Variants in ADGRL3 observed in about 807,000 individuals in gnomAD.
The protein encoded by ADGRL3 is calcium-independent alpha-latrotoxin receptor 3.
In ADGRL3, 62 loss-of-function variants were observed where a neutral mutation model predicts 153.5. That is an observed-to-expected ratio of 0.40 (90% CI 0.33 to 0.50). ADGRL3 has a LOEUF of 0.50. ADGRL3 is among the 20% of genes least tolerant of loss of function. ADGRL3 has a pLI of 0.47. For missense variants in ADGRL3, 1,641 were observed against 1,859.4 expected (o/e 0.88, Z 2.16); for synonymous variants, 710 against 672.5 (o/e 1.06, Z -0.86).
At chr4:61,724,957 T>C (rs1486869479) in intron 6 of ADGRL3, among the ~76,000 whole-genome samples, 2 of 152,162 alleles carry the variant, frequency 1.3e-5, no homozygotes, top group Non-Finnish European at 2.9e-5. Context: ...TTTTTTTTCC[T>C]GTATTTTATC....
chr4:62,052,968 T>A (rs2151778589), intron 25 of ADGRL3, among the ~76,000 whole-genome samples: 1 of 151,570 alleles, frequency 6.6e-6, no homozygotes, highest in Middle Eastern at 3.4e-3. Context: ...TAACAAAAAC[T>A]ATGATATGTT....
At chr4:61,596,750 T>C (rs1046868156) in intron 5 of ADGRL3, among the ~76,000 whole-genome samples, 1 of 152,036 alleles carries the variant, frequency 6.6e-6, no homozygotes, top group Non-Finnish European at 1.5e-5. Context: ...CACAGCTACT[T>C]GGGAGGGTAA....
At chr4:61,718,465 T>C (rs917467331) in intron 6 of ADGRL3, among the ~76,000 whole-genome samples, 1 of 152,198 alleles carries the variant, frequency 6.6e-6, no homozygotes, top group Non-Finnish European at 1.5e-5. Flanking sequence ...CATTACATAG[T>C]TGTTCCTGAA....
intron 4 of ADGRL3, among the ~76,000 whole-genome samples, chr4:61,579,127 T>C (rs2098910872): frequency 1.3e-5 from 2 of 152,032 alleles, no homozygotes; most frequent in South Asian, 4.1e-4. Context: ...ATAGGACCAC[T>C]CCTAGACCTG....
At chr4:61,219,020 T>C (rs1435760428) in intron 1 of ADGRL3, among the ~76,000 whole-genome samples, 1 of 152,182 alleles carries the variant, frequency 6.6e-6, no homozygotes, top group Non-Finnish European at 1.5e-5. Context: ...AGGGGGGCTG[T>C]GGAGAGACCA....
At chr4:61,406,429 GCTA>G (rs920126488) in intron 2 of ADGRL3, among the ~76,000 whole-genome samples, 130 of 151,738 alleles carry the variant, frequency 8.6e-4, no homozygotes, top group African/African-American at 2.9e-3. Context: ...TTTTATAGAT[GCTA>G]TATATTATTA....
chr4:61,543,075 T>C (rs986228405), intron 4 of ADGRL3, among the ~76,000 whole-genome samples: 1 of 152,158 alleles, frequency 6.6e-6, no homozygotes, highest in African/African-American at 2.4e-5. Context: ...TCCCAACTTG[T>C]TCAGTATTTG....
intron 5 of ADGRL3, among the ~76,000 whole-genome samples, chr4:61,593,501 G>C (rs1167399206): frequency 6.6e-6 from 1 of 151,800 alleles, no homozygotes; most frequent in Non-Finnish European, 1.5e-5. Flanking sequence ...CTCACCTTTT[G>C]CTTGTCTGGG....
chr4:61,712,627 G>C (rs979795321), intron 6 of ADGRL3, among the ~76,000 whole-genome samples: 1 of 152,110 alleles, frequency 6.6e-6, no homozygotes, highest in Non-Finnish European at 1.5e-5. Context: ...TAATTGAATG[G>C]AATTTTAAAA....
intron 4 of ADGRL3, among the ~76,000 whole-genome samples, chr4:61,574,069 GTCAC>G (rs2098850881): frequency 6.6e-6 from 1 of 151,934 alleles, no homozygotes; most frequent in Non-Finnish European, 1.5e-5. Context: ...AAAGGCCTTT[GTCAC>G]TCAACCTGTT....
chr4:61,832,078 T>C (rs2097877947), intron 9 of ADGRL3, among the ~76,000 whole-genome samples: 1 of 151,966 alleles, frequency 6.6e-6, no homozygotes, highest in Non-Finnish European at 1.5e-5. Context: ...CCTCTAATGT[T>C]CACTGAACAT....
At chr4:61,673,452 T>C (rs932082190) in intron 5 of ADGRL3, among the ~76,000 whole-genome samples, 1 of 151,754 alleles carries the variant, frequency 6.6e-6, no homozygotes, top group Non-Finnish European at 1.5e-5. Flanking sequence ...ACTTTAAAAA[T>C]AAACAATGAA....
chr4:61,844,575 A>AAAAAAAATATATATATATATAT (rs1554045137), intron 9 of ADGRL3, among the ~76,000 whole-genome samples: 1 of 18,108 alleles, frequency 5.5e-5, no homozygotes, highest in Non-Finnish European at 8.4e-5. Context: ...AAAAAAAAAA[A>AAAAAAAATATATATATATATAT]ATATATATAT....
chr4:61,447,084 A>T (rs1170414994), intron 2 of ADGRL3, among the ~76,000 whole-genome samples: 1 of 152,168 alleles, frequency 6.6e-6, no homozygotes, highest in Non-Finnish European at 1.5e-5. Flanking sequence ...GGATGACTGG[A>T]TGCTGGATGC....
intron 5 of ADGRL3, among the ~76,000 whole-genome samples, chr4:61,595,600 G>C (rs575315131): frequency 6.6e-6 from 1 of 152,112 alleles, no homozygotes; most frequent in Non-Finnish European, 1.5e-5. Flanking sequence ...AGTAACTTTT[G>C]TTGCTACAAG....
intron 9 of ADGRL3, among the ~76,000 whole-genome samples, chr4:61,817,185 C>T (rs1399801475): frequency 6.8e-6 from 1 of 147,216 alleles, no homozygotes; most frequent in Non-Finnish European, 1.5e-5. Flanking sequence ...AAACCCTGGG[C>T]ACCATGAATG....
intron 21 of ADGRL3, among the ~76,000 whole-genome samples, chr4:62,021,019 A>G (rs1167525737): frequency 6.6e-6 from 1 of 152,076 alleles, no homozygotes; most frequent in African/African-American, 2.4e-5. Flanking sequence ...ATTAAAGATC[A>G]ACTCAGAGAC....
intron 21 of ADGRL3, among the ~76,000 whole-genome samples, chr4:62,012,867 G>A (rs906393432): frequency 3.3e-5 from 5 of 152,102 alleles, no homozygotes; most frequent in South Asian, 2.1e-4. Flanking sequence ...GGATTTCAGC[G>A]TTATTAGTAT....
chr4:61,391,045 A>G (rs2152005452), intron 2 of ADGRL3, among the ~76,000 whole-genome samples: 1 of 152,310 alleles, frequency 6.6e-6, no homozygotes, highest in Admixed American at 6.5e-5. Context: ...TACCTATTGA[A>G]AAACACTTGA....
Sources: allele counts gnomAD v4.1 joint callset (sites outside exome capture counted in the v4.1 genomes callset), GRCh38; gene constraint gnomAD v4.1.1; transcripts MANE v1.5; gene names NCBI Gene and HGNC (gene_info 2026-07-23, HGNC 2026-07-21).